Variants in PUDP observed in about 807,000 individuals in gnomAD.
The protein encoded by PUDP is pseudouridine-5'-phosphatase.
In PUDP, 8 loss-of-function variants were observed where a neutral mutation model predicts 9.4. That is an observed-to-expected ratio of 0.85 (90% CI 0.50 to 1.53). PUDP has a LOEUF of 1.53. Among genes scored for constraint, PUDP ranks in the 40% most tolerant of loss-of-function variants. PUDP has a pLI of 0.00. For missense variants in PUDP, 188 were observed against 189.7 expected, an observed-to-expected ratio of 0.99 and a Z score of 0.05; for synonymous variants, 99 against 80.7, an observed-to-expected ratio of 1.23 and a Z score of -1.22.
chrX:7,122,741 A>G (rs1378246670), intron 1 of PUDP, among the ~76,000 whole-genome samples: 3 of 111,753 alleles, frequency 2.7e-5, no homozygotes, highest in Non-Finnish European at 5.6e-5. Flanking sequence ...TCATCACCCG[A>G]TTACATGCAC....
chrX:7,055,769 G>C (rs768421792), intron 3 of PUDP, among the ~76,000 whole-genome samples: 62 of 102,784 alleles, frequency 6.0e-4, no homozygotes, highest in Non-Finnish European at 1.1e-3. Flanking sequence ...GTAATCACAG[G>C]ACTTAAGCAT....
intron 2 of PUDP, among the ~76,000 whole-genome samples, chrX:7,101,138 G>A (rs1263194260): frequency 8.9e-6 from 1 of 111,815 alleles, no homozygotes; most frequent in Non-Finnish European, 1.9e-5. Flanking sequence ...TTGTGTATAT[G>A]GCATGTAGAT....
At chrX:6,937,786 GA>G (rs1381891535) in intron 3 of PUDP, among the ~76,000 whole-genome samples, 930 of 71,336 alleles carry the variant, frequency 0.013, 25 homozygotes, top group African/African-American at 0.049. Context: ...AAATTTACAA[GA>G]AAAAAACAAA....
At chrX:6,913,910 A>G (rs904982516) in intron 3 of PUDP, among the ~76,000 whole-genome samples, 2 of 110,812 alleles carry the variant, frequency 1.8e-5, no homozygotes, top group Non-Finnish European at 3.8e-5. Context: ...TGCCCCCCCA[A>G]CTGCCACTGG....
At chrX:7,023,114 G>A (rs1455484669) in intron 1 of PUDP, among the ~76,000 whole-genome samples, 1 of 112,103 alleles carries the variant, frequency 8.9e-6, no homozygotes, top group Non-Finnish European at 1.9e-5. Context: ...GAAAGGTCTT[G>A]TGTGAATAGT....
chrX:6,975,038 C>T (rs1386134765), intron 3 of PUDP, among the ~76,000 whole-genome samples: 3 of 109,062 alleles, frequency 2.8e-5, no homozygotes, highest in Admixed American at 1.0e-4. Context: ...ATGAAGTTCT[C>T]GTGCTGTGTT....
chrX:6,855,538 T>C (rs1030605958), intron 3 of PUDP, among the ~76,000 whole-genome samples: 4 of 111,784 alleles, frequency 3.6e-5, no homozygotes, highest in Non-Finnish European at 7.5e-5. Context: ...CCAATCCCCA[T>C]TAGATACTGA....
intron 2 of PUDP, among the ~76,000 whole-genome samples, chrX:7,103,742 G>A (rs1426462875): frequency 8.9e-6 from 1 of 112,220 alleles, no homozygotes; most frequent in Non-Finnish European, 1.9e-5. Flanking sequence ...CAAAGGATGT[G>A]CACAGACATT....
chrX:6,996,632 A>G (rs868799586), intron 1 of PUDP, among the ~76,000 whole-genome samples: 14 of 104,416 alleles, frequency 1.3e-4, no homozygotes, highest in African/African-American at 4.7e-4. Flanking sequence ...ATGTGTGTGT[A>G]TATATATATG....
intron 3 of PUDP, among the ~76,000 whole-genome samples, chrX:6,906,105 A>G (rs147048810): frequency 0.044 from 4,962 of 111,758 alleles, 105 homozygotes; most frequent in East Asian, 0.15. Context: ...AAAGAGCTCA[A>G]TGTGAGATGT....
chrX:7,068,072 T>G (rs1234193025), intron 3 of PUDP, among the ~76,000 whole-genome samples: 1 of 111,868 alleles, frequency 8.9e-6, no homozygotes, highest in Non-Finnish European at 1.9e-5. Context: ...TACCCAGTTT[T>G]GGGTATGTCT....
At chrX:6,957,898 C>G (rs183630329) in intron 3 of PUDP, among the ~76,000 whole-genome samples, 1 of 111,831 alleles carries the variant, frequency 8.9e-6, no homozygotes, top group African/African-American at 3.2e-5. Flanking sequence ...TGCCTGTAAC[C>G]CCAGCACTTT....
chrX:7,140,097 C>T (rs1932781590), intron 1 of PUDP, among the ~76,000 whole-genome samples: 1 of 112,256 alleles, frequency 8.9e-6, no homozygotes, highest in Admixed American at 9.4e-5. Context: ...GGGGAAAAGT[C>T]TTCCTTTTTG....
At chrX:6,953,713 C>T (rs1928586947) in intron 3 of PUDP, among the ~76,000 whole-genome samples, 1 of 111,260 alleles carries the variant, frequency 9.0e-6, no homozygotes, top group African/African-American at 3.3e-5. Context: ...ATTGAACATT[C>T]ACCCCTATAG....
intron 1 of PUDP, among the ~76,000 whole-genome samples, chrX:7,110,651 T>C (rs1179769578): frequency 7.2e-5 from 8 of 111,215 alleles, no homozygotes; most frequent in Non-Finnish European, 1.1e-4. Context: ...ACAGGCAGAC[T>C]GAGTCCGAAA....
chrX:6,811,506 G>A (rs1164321151), intron 3 of PUDP, among the ~76,000 whole-genome samples: 2 of 110,411 alleles, frequency 1.8e-5, no homozygotes, highest in Non-Finnish European at 3.8e-5. Context: ...CCAGAGATGG[G>A]GTTTCACCAT....
intron 1 of PUDP, among the ~76,000 whole-genome samples, chrX:7,009,570 T>C (rs1332968698): frequency 8.9e-6 from 1 of 111,850 alleles, no homozygotes; most frequent in African/African-American, 3.3e-5. Context: ...AGGAACTTTA[T>C]GATGAAGGAC....
At chrX:6,874,513 C>T (rs1052675485) in intron 3 of PUDP, among the ~76,000 whole-genome samples, 8 of 112,489 alleles carry the variant, frequency 7.1e-5, no homozygotes, top group African/African-American at 2.6e-4. Flanking sequence ...GTGTAGATGT[C>T]AGTCCAATTA....
chrX:6,888,379 C>T (rs1203034396), intron 3 of PUDP, among the ~76,000 whole-genome samples: 1 of 110,450 alleles, frequency 9.1e-6, no homozygotes, highest in Non-Finnish European at 1.9e-5. Context: ...CAGTAGCTCA[C>T]ACCTGTAATC....
Sources: allele counts gnomAD v4.1 joint callset (sites outside exome capture counted in the v4.1 genomes callset), GRCh38; gene constraint gnomAD v4.1.1; transcripts MANE v1.5; gene names NCBI Gene and HGNC (gene_info 2026-07-23, HGNC 2026-07-21).